ANXA8: variants seen among roughly 807,000 people sequenced by gnomAD.
ANXA8 encodes annexin A8.
Under a neutral mutation model 26.8 loss-of-function variants are expected in ANXA8, and 9 were observed. The ratio of observed to expected loss-of-function variants is 0.34; its 90% CI spans 0.20 to 0.59. ANXA8 has a LOEUF of 0.59. Among genes scored for constraint, ANXA8 ranks in the 20% least tolerant of loss-of-function variants. ANXA8 has a pLI of 0.84. For synonymous variants in ANXA8, 39 were observed against 94.8 expected (o/e 0.41, Z 3.42); for missense variants, 83 against 238.5 (o/e 0.35, Z 4.29).
chr10:47,675,704 GT>G, the ANXA8 span, among the ~76,000 whole-genome samples: 2 of 151,786 alleles, frequency 1.3e-5, no homozygotes, highest in Non-Finnish European at 2.9e-5. Flanking sequence ...TGTCTGGTGT[GT>G]AATGAAAAGT....
the ANXA8 span, chr10:47,985,682 C>G: frequency 7.2e-6 from 1 of 138,056 alleles, no homozygotes; most frequent in Non-Finnish European, 1.6e-5. Flanking sequence ...ATTTCATGCC[C>G]CCTTCAGCTA....
chr10:47,502,427 G>A, the ANXA8 span: 125 of 1,611,194 alleles, frequency 7.8e-5, 3 homozygotes, highest in East Asian at 1.0e-3. Context: ...TATTTGGAAC[G>A]GATCCACCAT....
the ANXA8 span, among the ~76,000 whole-genome samples, chr10:47,544,143 T>C: frequency 6.6e-6 from 1 of 151,886 alleles, no homozygotes; most frequent in Admixed American, 6.6e-5. Context: ...GAACGTAGGA[T>C]GGGGCCACAT....
At chr10:47,918,314 C>T in the ANXA8 span, among the ~76,000 whole-genome samples, 1 of 10,618 alleles carries the variant, frequency 9.4e-5, no homozygotes, top group Non-Finnish European at 1.7e-4. Flanking sequence ...AGAAACACTC[C>T]TGGAGAAAGA....
At chr10:47,495,255 C>CATT in the ANXA8 span, among the ~76,000 whole-genome samples, 20,818 of 102,616 alleles carry the variant, frequency 0.2, 2,383 homozygotes, top group Non-Finnish European at 0.24. Context: ...AGAAACATGG[C>CATT]ATTATTATTA....
intron 4 of ANXA8, 80 bp from the exon 5 acceptor site, chr10:47,476,402 C>G (rs1839540739): frequency 2.0e-6 from 1 of 492,922 alleles, no homozygotes; most frequent in Non-Finnish European, 3.6e-6. Context: ...CTCAAGATGC[C>G]TGAGCCTCAG....
the ANXA8 span, among the ~76,000 whole-genome samples, chr10:47,497,342 G>T: frequency 1.5e-5 from 2 of 133,466 alleles, no homozygotes. Flanking sequence ...AAGGCCAGGC[G>T]CAATGGCTCA....
chr10:47,475,312 G>A (rs1839491266), intron 6 of ANXA8, among the ~76,000 whole-genome samples, 181 bp downstream of exon 6: 1 of 151,628 alleles, frequency 6.6e-6, no homozygotes, highest in Admixed American at 6.6e-5. Flanking sequence ...GTAAGGACAG[G>A]TGTGGGGGCT....
chr10:47,757,011 C>T, the ANXA8 span, among the ~76,000 whole-genome samples: 1 of 111,752 alleles, frequency 8.9e-6, no homozygotes, highest in Non-Finnish European at 1.9e-5. Context: ...GGAGATGCAG[C>T]TTTGGGTTCA....
the ANXA8 span, among the ~76,000 whole-genome samples, chr10:47,748,223 T>A: frequency 3.2e-4 from 47 of 147,412 alleles, 2 homozygotes; most frequent in East Asian, 9.8e-3. Context: ...TATTATTATT[T>A]TTTGAGACGG....
the ANXA8 span, among the ~76,000 whole-genome samples, chr10:47,494,828 C>T: frequency 7.9e-5 from 12 of 151,866 alleles, no homozygotes; most frequent in African/African-American, 2.2e-4. Flanking sequence ...AGGAAAGGGG[C>T]TGTTCACAGA....
the ANXA8 span, among the ~76,000 whole-genome samples, chr10:47,591,688 C>T: frequency 7.3e-5 from 10 of 137,638 alleles, no homozygotes; most frequent in South Asian, 6.6e-4. Context: ...CCTCATGATC[C>T]GCCCACCTCG....
At chr10:47,953,952 T>C in the ANXA8 span, among the ~76,000 whole-genome samples, 2 of 149,670 alleles carry the variant, frequency 1.3e-5, no homozygotes, top group African/African-American at 2.5e-5. Flanking sequence ...GGAATGTAAA[T>C]TAATACAGCC....
the ANXA8 span, among the ~76,000 whole-genome samples, chr10:47,938,711 C>T: frequency 6.8e-6 from 1 of 147,624 alleles, no homozygotes; most frequent in Non-Finnish European, 1.5e-5. Flanking sequence ...TGGGCCTCCT[C>T]CTCCCTCCTG....
chr10:47,484,015 C>T lies in ANXA8; in HGVS notation c.-82G>A. On this transcript the variant is annotated 5_prime_UTR_variant, in exon 1 of 12. Transcript: ENST00000585281. ...TGCTGGGACTCCACACGTCTGGCTC[C>T]TGCAGCTGAGGAGTGAGCAGGCCGC... The T allele has an allele frequency of 1.2e-6, 2 of 1,611,668 alleles. No individual in the cohort carries two copies. Among genetic ancestry groups the T allele is most frequent in the East Asian group, 2.2e-5 (1 of 44,874 alleles).
the ANXA8 span, chr10:47,753,137 A>G: frequency 5.1e-6 from 5 of 980,184 alleles, no homozygotes; most frequent in Non-Finnish European, 6.0e-6. Flanking sequence ...AAAAAAAGAA[A>G]AAGAAGGAAA....
At chr10:47,744,423 T>TGGGGG in the ANXA8 span, among the ~76,000 whole-genome samples, 1 of 6,438 alleles carries the variant, frequency 1.6e-4, no homozygotes, top group African/African-American at 6.3e-4. Context: ...GGGGGGGGGT[T>TGGGGG]GGGGGGGAGG....
the ANXA8 span, among the ~76,000 whole-genome samples, chr10:47,947,348 G>T: frequency 7.1e-6 from 1 of 140,454 alleles, no homozygotes; most frequent in East Asian, 2.5e-4. Flanking sequence ...GAACCTCCCT[G>T]GAAGGGAATT....
At chr10:47,712,791 CTT>C in the ANXA8 span, among the ~76,000 whole-genome samples, 1 of 70,752 alleles carries the variant, frequency 1.4e-5, no homozygotes. Flanking sequence ...GCATAAGGCA[CTT>C]TTTTTTTTTG....
Sources: gnomAD v4.1 joint callset for allele counts (sites outside exome capture counted in the v4.1 genomes callset) on GRCh38, gnomAD v4.1.1 for gene constraint, MANE v1.5 for transcripts, NCBI Gene and HGNC (gene_info 2026-07-23, HGNC 2026-07-21) for gene names.